The following CACNA1S variants were observed in gnomAD, a reference collection of about 807,000 sequenced individuals.
The protein encoded by CACNA1S is calcium voltage-gated channel subunit alpha1 S.
Under a neutral mutation model 207.4 loss-of-function variants are expected in CACNA1S, and 126 were observed. That is an observed-to-expected ratio of 0.61 (90% CI 0.53 to 0.70). The LOEUF (loss-of-function observed/expected upper bound fraction) is 0.70, where lower values mean the gene tolerates loss of function less well. Among genes scored for constraint, CACNA1S ranks in the 30% least tolerant of loss-of-function variants. CACNA1S has a pLI of 0.00. For synonymous variants in CACNA1S, 960 were observed against 932.7 expected, an observed-to-expected ratio of 1.03 and a Z score of -0.53; for missense variants, 2,349 against 2,422.8, an observed-to-expected ratio of 0.97 and a Z score of 0.64.
chr1:201,042,433 T>C lies in CACNA1S; in HGVS notation c.5049-844A>G, dbSNP rs369882368. The stretch of plus-strand genomic sequence containing the variant: ...GATTACAGGCATGAGCCACCACTCC[T>C]GGCCTCTGTGATTATTTGGTCCCAA... On this transcript the variant is annotated intron_variant, in intron 40 of 43. Transcript: ENST00000362061. Among the ~76,000 whole-genome samples the C allele has an allele frequency of 5.0e-3, 757 of 152,362 alleles. 6 individuals are homozygous for C. Among genetic ancestry groups the C allele is most frequent in the African/African-American group, 0.017 (715 of 41,594 alleles).
At chr1:201,054,144 G>T (rs1479947767) in intron 29 of CACNA1S, among the ~76,000 whole-genome samples, 1 of 152,220 alleles carries the variant, frequency 6.6e-6, no homozygotes, top group African/African-American at 2.4e-5. Context: ...GAAGGGGAGA[G>T]CTGCCCCTGC....
rs752740321 is a variant in CACNA1S, at chr1:201,066,232, C to T, written c.2742G>A (p.Leu914=). 1 of 1,613,926 alleles carries T rather than the reference C, an allele frequency of 6.2e-7. No homozygotes were observed. The highest frequency in any genetic ancestry group is 8.5e-7 in the Non-Finnish European group (1 of 1,179,952). ...PLRAINRAKG[L]KHVVQCMFVA... ...TCCTGCCCGGGCCCTCTCTCACCTT[C>T]AACCCCTTGGCTCTGTTGATGGCTC... Residue 914 remains leucine, a synonymous_variant, in exon 21 of 44, where the codon TTG becomes TTA. Transcript: ENST00000362061. The surrounding 1 kb of genome is among the most constrained non-coding windows in gnomAD (Gnocchi z 4.3).
Position 201,085,542 on chromosome 1 carries a change from T to C in CACNA1S, c.1044A>G (p.Gly348=), listed in dbSNP as rs376276490. 28 of 1,613,124 alleles carry C rather than the reference T, an allele frequency of 1.7e-5. No homozygotes were observed. Among genetic ancestry groups the C allele is most frequent in the Non-Finnish European group, 2.3e-5 (27 of 1,179,898 alleles). Residue 348 remains glycine (G), a synonymous_variant, in exon 8 of 44, where the codon GGA becomes GGG. Coordinates refer to ENST00000362061, the MANE Select transcript of CACNA1S (RefSeq NM_000069.3). The part of the protein sequence containing the change: ...TKEREKAKSR[G]TFQKLREKQQ... Reference sequence around the variant, plus strand: ...GCTTCTCCCGGAGCTTCTGGAAGGTTCCCCTGGACTTGGCCTTCTCCCGCT... The same window carrying C: ...GCTTCTCCCGGAGCTTCTGGAAGGTCCCCCTGGACTTGGCCTTCTCCCGCT...
Position 201,053,221 on chromosome 1 carries a change from G to C in CACNA1S, c.3849C>G (p.Val1283=). The change falls in exon 31 of 44, where the codon GTC becomes GTG. Residue 1283 remains valine, a synonymous_variant. Transcript: ENST00000362061. This position sits in a 1 kb window ranked among gnomAD's most constrained non-coding sequence, Gnocchi z 5.1. The part of the protein sequence containing the change: ...LIVMLFFIYA[V]IGMQMFGKIA... The stretch of plus-strand genomic sequence containing the variant: ...GCCTGCCTCTCACCTGCATGCCGAT[G>C]ACAGCGTAGATGAAGAAGAGCATGA... The C allele has an allele frequency of 6.2e-7, 1 of 1,614,254 alleles. No homozygotes were observed. Among genetic ancestry groups the C allele is most frequent in the Admixed American group, 1.7e-5 (1 of 60,036 alleles).
chr1:201,084,263 T>C (rs1419423479), intron 9 of CACNA1S, among the ~76,000 whole-genome samples: 1 of 152,056 alleles, frequency 6.6e-6, no homozygotes, highest in Non-Finnish European at 1.5e-5. Context: ...AACAACCCCA[T>C]TATGTAAAAA....
chr1:201,062,514 C>G lies in CACNA1S; in HGVS notation c.2854G>C (p.Gly952Arg), dbSNP rs1160434627. The change falls in exon 23 of 44, where the codon GGG becomes CGG. Residue 952 changes from glycine to arginine, a missense_variant and splice_region_variant. Gly to Arg is a moderately radical substitution (Grantham distance 125, BLOSUM62 -2). Coordinates refer to ENST00000362061, the MANE Select transcript of CACNA1S (RefSeq NM_000069.3). Reference protein sequence around the residue: ...FACIGVQLFKGKFFRCTDLSK... With the variant: ...FACIGVQLFKRKFFRCTDLSK... Reference sequence around the variant, plus strand: ...AAGTCGGTGCACCTGAAGAACTTCCCCTGCAGCCAGGAAGAGGGAGGGAGG... The same window carrying G: ...AAGTCGGTGCACCTGAAGAACTTCCGCTGCAGCCAGGAAGAGGGAGGGAGG... The G allele has an allele frequency of 1.2e-6, 2 of 1,613,834 alleles. No individual in the cohort carries two copies. Among genetic ancestry groups the G allele is most frequent in the Admixed American group, 1.7e-5 (1 of 60,020 alleles).
At chr1:201,049,906 C>T (rs1274493162) in intron 34 of CACNA1S, among the ~76,000 whole-genome samples, 2 of 152,188 alleles carry the variant, frequency 1.3e-5, no homozygotes, top group Non-Finnish European at 2.9e-5. Flanking sequence ...GAGACTGAGA[C>T]CATCGGGAGA....
At chr1:201,085,646 C>T (rs534911214) in intron 7 of CACNA1S, 65 bp from the exon 8 acceptor site, 4 of 1,586,776 alleles carry the variant, frequency 2.5e-6, no homozygotes, top group Non-Finnish European at 3.5e-6. Flanking sequence ...AAAGACTGAG[C>T]TTCCTGAGGA....
intron 1 of CACNA1S, 26 bp downstream of exon 1, chr1:201,112,162 C>CT (rs1558091932): frequency 1.9e-6 from 3 of 1,606,930 alleles, no homozygotes; most frequent in African/African-American, 1.3e-5. Context: ...CACACCCCCC[C>CT]CCACGGCCCG....
chr1:201,068,862 C>T (rs528442596), intron 19 of CACNA1S, among the ~76,000 whole-genome samples: 9 of 152,100 alleles, frequency 5.9e-5, no homozygotes, highest in African/African-American at 1.2e-4. Flanking sequence ...CAGAGTGAGA[C>T]GACATCTAAA....
At chr1:201,077,494 C>T (rs1661672963) in intron 11 of CACNA1S, among the ~76,000 whole-genome samples, 1 of 152,162 alleles carries the variant, frequency 6.6e-6, no homozygotes, top group Admixed American at 6.5e-5. Context: ...AACCTCTCTC[C>T]ACTTCCCTCA....
chr1:201,099,907 G>A (rs1325352948), intron 2 of CACNA1S, among the ~76,000 whole-genome samples: 1 of 152,126 alleles, frequency 6.6e-6, no homozygotes, highest in Non-Finnish European at 1.5e-5. Context: ...GAAGTCTCAG[G>A]GGTAGAGCTC....
chr1:201,077,947 A>T lies in CACNA1S; in HGVS notation c.1551T>A (p.Gly517=). 1 of 1,613,948 alleles carries T rather than the reference A, an allele frequency of 6.2e-7. No homozygotes were observed. ...CGGAGATGCCCAGGGGTGTCATGGC[A>T]CCCGACTCCACCAGCAGGATCTCCA... ...GILEILLVES[G]AMTPLGISVL... Residue 517 remains glycine, a synonymous_variant, in exon 11 of 44, where the codon GGT becomes GGA. Coordinates refer to ENST00000362061, the MANE Select transcript of CACNA1S (RefSeq NM_000069.3).
In CACNA1S at chr1:201,087,829, C is replaced by G. The variant is rs1019448884; in HGVS notation, c.1001G>C (p.Ser334Thr). 34 of 1,609,346 alleles carry G rather than the reference C, an allele frequency of 2.1e-5. No individual in the cohort carries two copies. Among genetic ancestry groups the G allele is most frequent in the Non-Finnish European group, 2.7e-5 (32 of 1,175,980 alleles). ...TGGCTACCTTTGAATTTCTTACCCACTCAGGACACCCAGCACCAGGTTGAG... is the reference window on the plus strand; with the variant it reads ...TGGCTACCTTTGAATTTCTTACCCAGTCAGGACACCCAGCACCAGGTTGAG... ...FILNLVLGVL[S>T]GEFTKEREKA... Residue 334 changes from serine to threonine, a missense_variant, in exon 7 of 44, where the codon AGT becomes ACT. Ser to Thr is a moderately conservative substitution (Grantham distance 58, BLOSUM62 1). Transcript: ENST00000362061.
At chr1:201,101,763 A>G (rs1662675240) in intron 2 of CACNA1S, among the ~76,000 whole-genome samples, 1 of 152,122 alleles carries the variant, frequency 6.6e-6, no homozygotes, top group Non-Finnish European at 1.5e-5. Flanking sequence ...CCATGGGAGG[A>G]TGGTGGGTGT....
intron 31 of CACNA1S, among the ~76,000 whole-genome samples, chr1:201,052,965 C>T (rs1027374217): frequency 2.0e-5 from 3 of 152,084 alleles, no homozygotes; most frequent in African/African-American, 7.2e-5. Flanking sequence ...TCCAGTCAGG[C>T]CTTAGAGAGA....
At chr1:201,089,113 A>T (rs552242178) in intron 6 of CACNA1S, 145 bp downstream of exon 6, 42 of 755,522 alleles carry the variant, frequency 5.6e-5, no homozygotes, top group South Asian at 4.9e-4. Flanking sequence ...TCCTGTATAG[A>T]TTCCCCAGGG....
chr1:201,050,297 C>A, intron 34 of CACNA1S, 92 bp downstream of exon 34: 2 of 1,363,408 alleles, frequency 1.5e-6, no homozygotes, highest in Non-Finnish European at 2.1e-6. Context: ...GAAGCCCACT[C>A]ATACTGAATA....
chr1:201,050,305 A>G, intron 34 of CACNA1S, 84 bp downstream of exon 34: 2 of 1,457,058 alleles, frequency 1.4e-6, no homozygotes, highest in Non-Finnish European at 1.9e-6. Context: ...CTCATACTGA[A>G]TAAACTGGAG....
Sources: gnomAD v4.1 joint callset for allele counts (sites outside exome capture counted in the v4.1 genomes callset) on GRCh38, gnomAD v4.1.1 for gene constraint, Gnocchi (gnomAD v3.1) non-coding constraint, MANE v1.5 for transcripts, NCBI Gene and HGNC (gene_info 2026-07-23, HGNC 2026-07-21) for gene names.